The following RBM39 variants were observed in gnomAD, a reference collection of about 807,000 sequenced individuals.
The protein encoded by RBM39 is RNA binding motif protein 39.
RBM39 carries 12 observed loss-of-function variants against 79.6 expected under a neutral mutation model. That is an observed-to-expected ratio of 0.15 (90% CI 0.10 to 0.24). The LOEUF is 0.24. Ranked by LOEUF, RBM39 falls within the 10% of genes least tolerant of loss-of-function variation. RBM39 has a pLI of 1.00. For synonymous variants in RBM39, 185 were observed against 208.4 expected, an observed-to-expected ratio of 0.89 and a Z score of 0.97; for missense variants, 243 against 653.4, an observed-to-expected ratio of 0.37 and a Z score of 6.85.
intron 7 of RBM39, 112 bp downstream of exon 7, chr20:35,724,926 G>C: frequency 2.0e-6 from 2 of 1,014,746 alleles, no homozygotes; most frequent in Non-Finnish European, 1.5e-6. Context: ...AGGCAAAATG[G>C]AAACATTACC....
intron 11 of RBM39, chr20:35,713,338 A>C (rs539073740): frequency 2.8e-6 from 1 of 360,818 alleles, no homozygotes; most frequent in East Asian, 5.3e-5. Flanking sequence ...GAGATGGAGT[A>C]TCGCTCTTGT....
At chr20:35,727,808 C>G (rs1035958536) in intron 6 of RBM39, among the ~76,000 whole-genome samples, 4 of 152,248 alleles carry the variant, frequency 2.6e-5, no homozygotes, top group Admixed American at 2.6e-4. Context: ...CACCACCACG[C>G]CCAGCTAATT....
chr20:35,740,788 G>C (rs2040415443), intron 2 of RBM39, 36 bp downstream of exon 2: 1 of 1,580,876 alleles, frequency 6.3e-7, no homozygotes, highest in Non-Finnish European at 8.6e-7. Context: ...GCTAAATTAA[G>C]AAATATATAA....
chr20:35,724,995 G>C, intron 7 of RBM39, 43 bp downstream of exon 7: 4 of 1,338,962 alleles, frequency 3.0e-6, no homozygotes, highest in Non-Finnish European at 2.1e-6. Context: ...GTTTTCTCTT[G>C]CAATTTCTAC....
intron 10 of RBM39, among the ~76,000 whole-genome samples, chr20:35,715,876 CTCTCTTCCTCTCCCT>C (rs1230096390): frequency 3.9e-5 from 5 of 129,528 alleles, no homozygotes; most frequent in African/African-American, 1.9e-4. Flanking sequence ...ATGTCTTCCT[CTCTCTTCCTCTCCCT>C]CTCTCCAAGT....
chr20:35,728,116 T>A (rs1451316433), intron 6 of RBM39, among the ~76,000 whole-genome samples: 1 of 152,216 alleles, frequency 6.6e-6, no homozygotes, highest in East Asian at 1.9e-4. Flanking sequence ...AGTAAAATAA[T>A]CCATGGAAAC....
At chr20:35,725,671 TTTTTTTC>T (rs1167013572) in intron 6 of RBM39, among the ~76,000 whole-genome samples, 1 of 141,306 alleles carries the variant, frequency 7.1e-6, no homozygotes, top group Admixed American at 6.9e-5. Flanking sequence ...TTTTTTTTTT[TTTTTTTC>T]CAGAGGAAGT....
Position 35,712,744 on chromosome 20 carries a change from A to G in RBM39, c.1174+275T>C, listed in dbSNP as rs535811871. Reference sequence around the variant, plus strand: ...GATCAAACAATATACACCTTGTAGTATTCAATAAAACTGATATATTTGAAA... The same window carrying G: ...GATCAAACAATATACACCTTGTAGTGTTCAATAAAACTGATATATTTGAAA... On this transcript the variant is annotated intron_variant, in intron 12 of 16. Transcript: ENST00000253363. Among the ~76,000 whole-genome samples, 65 of 152,302 alleles carry G rather than the reference A, an allele frequency of 4.3e-4. No individual in the cohort carries two copies. The South Asian group carries it at 0.013, about 32-fold the overall frequency.
intron 10 of RBM39, among the ~76,000 whole-genome samples, chr20:35,715,484 CT>C (rs1166975848): frequency 6.6e-6 from 1 of 152,090 alleles, no homozygotes; most frequent in East Asian, 1.9e-4. Flanking sequence ...CCCAAAAACA[CT>C]TTTGACAAGA....
At chr20:35,714,450 A>G (rs2036851465) in intron 10 of RBM39, 61 bp from the exon 11 acceptor site, 2 of 1,473,154 alleles carry the variant, frequency 1.4e-6, no homozygotes, top group African/African-American at 2.9e-5. Flanking sequence ...TACAAACTAT[A>G]CTTAAAAATA....
At chr20:35,707,790 G>C (rs1435769203) in intron 13 of RBM39, 1 of 317,146 alleles carries the variant, frequency 3.2e-6, no homozygotes, top group Non-Finnish European at 6.5e-6. Flanking sequence ...CACAATAAAA[G>C]AACACTGAAA....
At chr20:35,715,622 T>C (rs2037015915) in intron 10 of RBM39, among the ~76,000 whole-genome samples, 1 of 152,228 alleles carries the variant, frequency 6.6e-6, no homozygotes. Flanking sequence ...GATGAACGTA[T>C]AAAACATTCA....
chr20:35,726,078 C>T (rs971559610), intron 6 of RBM39, among the ~76,000 whole-genome samples: 3 of 152,216 alleles, frequency 2.0e-5, no homozygotes, highest in Non-Finnish European at 4.4e-5. Context: ...TCACATCTTA[C>T]ATGGCATTAG....
intron 1 of RBM39, chr20:35,741,550 A>C (rs1047797814): frequency 2.6e-5 from 4 of 152,224 alleles, no homozygotes; most frequent in African/African-American, 9.7e-5. Context: ...TCAACTCCAA[A>C]AACAGAAACT....
intron 3 of RBM39, among the ~76,000 whole-genome samples, chr20:35,733,959 A>G (rs1176604687): frequency 2.6e-5 from 4 of 152,270 alleles, no homozygotes; most frequent in African/African-American, 9.6e-5. Context: ...ATATTTCAAT[A>G]TAAATTGAAA....
chr20:35,736,760 C>G (rs912648229), intron 3 of RBM39: 9 of 346,018 alleles, frequency 2.6e-5, no homozygotes, highest in Non-Finnish European at 4.1e-5. Flanking sequence ...AAGCGATTCT[C>G]CTGCCTCAGC....
chr20:35,717,486 TGTGCTAAA>T (rs750233479), intron 9 of RBM39, among the ~76,000 whole-genome samples: 23 of 152,260 alleles, frequency 1.5e-4, no homozygotes, highest in African/African-American at 2.2e-4. Flanking sequence ...TCCTTCCCAT[TGTGCTAAA>T]AACACCAAGC....
chr20:35,718,532 T>C (rs1189183927), intron 9 of RBM39, among the ~76,000 whole-genome samples: 1 of 150,764 alleles, frequency 6.6e-6, no homozygotes, highest in Non-Finnish European at 1.5e-5. Flanking sequence ...AAAAAGTAGG[T>C]TGGGCTCCGT....
chr20:35,712,887 A>G (rs1424196469), intron 12 of RBM39, 132 bp downstream of exon 12: 3 of 645,968 alleles, frequency 4.6e-6, no homozygotes, highest in Non-Finnish European at 7.6e-6. Flanking sequence ...CTTAAATAGA[A>G]GACTACAAAC....
Sources: allele counts gnomAD v4.1 joint callset (sites outside exome capture counted in the v4.1 genomes callset), GRCh38; gene constraint gnomAD v4.1.1; transcripts MANE v1.5; gene names NCBI Gene and HGNC (gene_info 2026-07-23, HGNC 2026-07-21).